GATAD2A: variants seen among roughly 807,000 people sequenced by gnomAD.
The protein encoded by GATAD2A is GATA zinc finger domain containing 2A.
GATAD2A carries 12 observed loss-of-function variants against 68.5 expected under a neutral mutation model. That is an observed-to-expected ratio of 0.18 (90% CI 0.11 to 0.28). The LOEUF (loss-of-function observed/expected upper bound fraction) is 0.28. GATAD2A is among the 10% of genes least tolerant of loss of function. The probability of loss-of-function intolerance (pLI) is 1.00; values close to 1 mark genes in which losing one functional copy is unlikely to be tolerated. For synonymous variants in GATAD2A, 410 were observed against 375.3 expected, an observed-to-expected ratio of 1.09 and a Z score of -1.07; for missense variants, 755 against 868.5, an observed-to-expected ratio of 0.87 and a Z score of 1.64.
intron 1 of GATAD2A, among the ~76,000 whole-genome samples, chr19:19,424,711 GGGGTCT>G (rs2052858723): frequency 6.6e-6 from 1 of 152,162 alleles, no homozygotes; most frequent in Non-Finnish European, 1.5e-5. Context: ...ACCTGTGGTT[GGGGTCT>G]GGGGCCTCAG....
chr19:19,479,669 G>A (rs1462729984), intron 2 of GATAD2A, among the ~76,000 whole-genome samples: 2 of 152,092 alleles, frequency 1.3e-5, no homozygotes, highest in Non-Finnish European at 2.9e-5. Flanking sequence ...TGCTCTTCTC[G>A]TCACATCATA....
upstream of GATAD2A, among the ~76,000 whole-genome samples, chr19:19,405,479 G>A (rs1026773900): frequency 2.0e-4 from 31 of 152,168 alleles, no homozygotes; most frequent in Non-Finnish European, 4.3e-4. Flanking sequence ...GACTCGGCGG[G>A]GAGGGAGCCA....
intron 1 of GATAD2A, among the ~76,000 whole-genome samples, chr19:19,414,694 G>A (rs1451590847): frequency 2.7e-5 from 4 of 147,886 alleles, no homozygotes; most frequent in Non-Finnish European, 6.0e-5. Flanking sequence ...ACGCCACCAC[G>A]CCCAGCTCTT....
At chr19:19,431,218 GGAAAGCGATTACAGTGTATTTTCAA>G (rs1459913141) in intron 1 of GATAD2A, among the ~76,000 whole-genome samples, 1 of 151,344 alleles carries the variant, frequency 6.6e-6, no homozygotes, top group African/African-American at 2.4e-5. Flanking sequence ...ATAGATTAGT[GGAAAGCGATTACAGTGTATTTTCAA>G]GAAATGCTGC....
chr19:19,473,015 C>G (rs1207426255), intron 2 of GATAD2A, among the ~76,000 whole-genome samples: 1 of 152,240 alleles, frequency 6.6e-6, no homozygotes, highest in African/African-American at 2.4e-5. Context: ...CGATGTGGCT[C>G]ACCGTCTCCA....
intron 1 of GATAD2A, among the ~76,000 whole-genome samples, chr19:19,442,789 C>T (rs1465344240): frequency 6.9e-6 from 1 of 145,168 alleles, no homozygotes; most frequent in Non-Finnish European, 1.5e-5. Flanking sequence ...AAAAAAAAAA[C>T]CCACAGTTTC....
intron 2 of GATAD2A, 151 bp from the exon 3 acceptor site, chr19:19,492,155 G>A: frequency 1.2e-6 from 1 of 804,902 alleles, no homozygotes; most frequent in South Asian, 1.8e-5. Context: ...GAGGCAGCCT[G>A]GGAGCCATGG....
At chr19:19,388,133 C>T (rs957542556) in intron 1 of GATAD2A, among the ~76,000 whole-genome samples, 1 of 151,486 alleles carries the variant, frequency 6.6e-6, no homozygotes, top group African/African-American at 2.4e-5. Flanking sequence ...CTCTGGCTCA[C>T]CGCAACCTCC....
At chr19:19,497,873 G>A (rs1181173036) in intron 7 of GATAD2A, among the ~76,000 whole-genome samples, 1 of 152,254 alleles carries the variant, frequency 6.6e-6, no homozygotes, top group African/African-American at 2.4e-5. Context: ...AGGACTGTGA[G>A]GTGGCACTGG....
chr19:19,475,272 C>T (rs533094561), intron 2 of GATAD2A, among the ~76,000 whole-genome samples: 1 of 152,322 alleles, frequency 6.6e-6, no homozygotes, highest in South Asian at 2.1e-4. Context: ...TTCTCATAGC[C>T]CAGGGACATG....
chr19:19,473,413 TGTA>T (rs560417621), intron 2 of GATAD2A, among the ~76,000 whole-genome samples: 77 of 152,258 alleles, frequency 5.1e-4, no homozygotes, highest in Admixed American at 1.3e-3. Flanking sequence ...ACACTGGAAA[TGTA>T]GTCTGTTTAC....
chr19:19,500,994 A>G (rs2060488722), intron 8 of GATAD2A, 124 bp from the exon 9 acceptor site: 2 of 834,162 alleles, frequency 2.4e-6, no homozygotes, highest in Admixed American at 5.0e-5. Context: ...ATTGGTGCCC[A>G]GTAGGCATTT....
intron 1 of GATAD2A, among the ~76,000 whole-genome samples, chr19:19,433,960 A>G (rs1444772007): frequency 7.9e-5 from 12 of 152,112 alleles, no homozygotes; most frequent in Admixed American, 7.9e-4. Context: ...TTTTGTAGAG[A>G]TGGGGTTTTG....
chr19:19,395,281 C>T (rs1205933014), intron 1 of GATAD2A, among the ~76,000 whole-genome samples: 1 of 152,126 alleles, frequency 6.6e-6, no homozygotes, highest in Non-Finnish European at 1.5e-5. Flanking sequence ...ATGGCGAAAC[C>T]CCGTCCCTAC....
intron 1 of GATAD2A, among the ~76,000 whole-genome samples, chr19:19,416,486 T>A (rs550250447): frequency 4.6e-5 from 7 of 152,250 alleles, no homozygotes; most frequent in African/African-American, 1.4e-4. Context: ...GGGGTTACTC[T>A]TACTTTCCAG....
intron 1 of GATAD2A, among the ~76,000 whole-genome samples, chr19:19,443,686 A>T (rs1202511257): frequency 1.3e-5 from 2 of 152,104 alleles, no homozygotes; most frequent in East Asian, 3.9e-4. Context: ...TCACACCATT[A>T]TCTACTCTGT....
chr19:19,407,503 G>A (rs958566516), intron 1 of GATAD2A, among the ~76,000 whole-genome samples: 15 of 152,234 alleles, frequency 9.9e-5, no homozygotes, highest in Admixed American at 2.0e-4. Flanking sequence ...AGGCCTCTTA[G>A]TAGTGAGGCA....
intron 1 of GATAD2A, among the ~76,000 whole-genome samples, chr19:19,414,651 C>T (rs2051362727): frequency 6.7e-6 from 1 of 149,182 alleles, no homozygotes; most frequent in Non-Finnish European, 1.5e-5. Context: ...ATTCTTGTGC[C>T]TCATCCTCCC....
chr19:19,474,208 G>A (rs1260250264), intron 2 of GATAD2A: 2 of 972,256 alleles, frequency 2.1e-6, no homozygotes, highest in Non-Finnish European at 2.4e-6. Context: ...TTACAGGGAA[G>A]GGAGAGGAGG....
Sources: gnomAD v4.1 joint callset for allele counts (sites outside exome capture counted in the v4.1 genomes callset) on GRCh38, gnomAD v4.1.1 for gene constraint, MANE v1.5 for transcripts, NCBI Gene and HGNC (gene_info 2026-07-23, HGNC 2026-07-21) for gene names.